The following XKR4 variants were observed in gnomAD, a reference collection of about 807,000 sequenced individuals.
The protein encoded by XKR4 is XK-related protein 4.
A neutral mutation model predicts 53.9 loss-of-function variants in XKR4; 12 were observed. That is an observed-to-expected ratio of 0.22 (90% CI 0.14 to 0.36). The LOEUF (loss-of-function observed/expected upper bound fraction) is 0.36, where lower values mean the gene tolerates loss of function less well. Ranked by LOEUF, XKR4 falls within the 10% of genes least tolerant of loss-of-function variation. XKR4 has a pLI of 1.00. For missense variants in XKR4, 799 were observed against 859.5 expected, an observed-to-expected ratio of 0.93 and a Z score of 0.88; for synonymous variants, 354 against 362.4, an observed-to-expected ratio of 0.98 and a Z score of 0.26.
At chr8:55,266,560 G>GT (rs971918898) in intron 1 of XKR4, among the ~76,000 whole-genome samples, 24 of 152,204 alleles carry the variant, frequency 1.6e-4, no homozygotes, top group African/African-American at 5.3e-4. Flanking sequence ...TCGTGGAAAA[G>GT]TTGAAGACTA....
intron 1 of XKR4, among the ~76,000 whole-genome samples, chr8:55,349,566 G>A (rs1176214295): frequency 2.6e-5 from 4 of 152,182 alleles, no homozygotes; most frequent in South Asian, 2.1e-4. Context: ...ACCACGGTCC[G>A]TGTTAAATAA....
chr8:55,129,914 G>A (rs996309118), intron 1 of XKR4, among the ~76,000 whole-genome samples: 1 of 152,154 alleles, frequency 6.6e-6, no homozygotes, highest in Non-Finnish European at 1.5e-5. Flanking sequence ...GTTGGGTGGA[G>A]AAAGGAGGAG....
chr8:55,441,931 G>A (rs573951965), intron 2 of XKR4, among the ~76,000 whole-genome samples: 2 of 151,982 alleles, frequency 1.3e-5, no homozygotes, highest in East Asian at 3.9e-4. Flanking sequence ...AGTGAGTTTG[G>A]TATCAAATTA....
At position 55,355,305 on chromosome 8, in the gene XKR4, C is replaced by T. The variant is rs200151122; in HGVS notation, c.807-2373C>T. Among the ~76,000 whole-genome samples, 14 of 151,076 alleles carry T rather than the reference C, an allele frequency of 9.3e-5. No homozygotes were observed. In the East Asian group the frequency reaches 2.1e-3, roughly 23 times the overall value. On this transcript the variant is annotated intron_variant, in intron 1 of 2. Transcript: ENST00000327381. ...CCACAGTGAGAAGATGAATAGAAGACGGAGAGGAGGAAAAATCAAGAAGAA... is the reference window on the plus strand; with the variant it reads ...CCACAGTGAGAAGATGAATAGAAGATGGAGAGGAGGAAAAATCAAGAAGAA...
At chr8:55,143,794 C>T (rs993307050) in intron 1 of XKR4, among the ~76,000 whole-genome samples, 1 of 152,190 alleles carries the variant, frequency 6.6e-6, no homozygotes, top group Middle Eastern at 3.2e-3. Flanking sequence ...GTGGGTTCTT[C>T]TGCGGGCATG....
chr8:55,476,316 C>T (rs1805982992), intron 2 of XKR4, among the ~76,000 whole-genome samples: 1 of 152,026 alleles, frequency 6.6e-6, no homozygotes, highest in African/African-American at 2.4e-5. Flanking sequence ...GAAGCAGTAC[C>T]TGGGAAGGGA....
At chr8:55,173,463 G>A (rs761294122) in intron 1 of XKR4, among the ~76,000 whole-genome samples, 1 of 152,056 alleles carries the variant, frequency 6.6e-6, no homozygotes, top group African/African-American at 2.4e-5. Flanking sequence ...CTGAAAGAAC[G>A]TATAGCTTTA....
At chr8:55,454,683 A>C in intron 2 of XKR4, 1 of 910,450 alleles carries the variant, frequency 1.1e-6, no homozygotes, top group South Asian at 1.4e-5. Context: ...CTGGGAACAC[A>C]TTCAGGCCCT....
intron 1 of XKR4, among the ~76,000 whole-genome samples, chr8:55,166,211 A>T (rs935952746): frequency 6.6e-6 from 1 of 152,200 alleles, no homozygotes; most frequent in African/African-American, 2.4e-5. Context: ...TGTATCTATT[A>T]TATTTGGTTA....
At chr8:55,178,809 A>T (rs1309513955) in intron 1 of XKR4, among the ~76,000 whole-genome samples, 1 of 152,208 alleles carries the variant, frequency 6.6e-6, no homozygotes, top group Non-Finnish European at 1.5e-5. Flanking sequence ...ATAGACAAAA[A>T]TGGCCCCGCT....
intron 2 of XKR4, among the ~76,000 whole-genome samples, chr8:55,367,161 CAT>C (rs898969435): frequency 3.3e-5 from 5 of 152,168 alleles, no homozygotes; most frequent in African/African-American, 1.2e-4. Context: ...CACCGTTCTA[CAT>C]GTGATCACTA....
chr8:55,398,101 C>A (rs1804548486), intron 2 of XKR4, among the ~76,000 whole-genome samples: 1 of 152,152 alleles, frequency 6.6e-6, no homozygotes. Flanking sequence ...ACCCTGATAT[C>A]CCCACCAGGG....
intron 1 of XKR4, among the ~76,000 whole-genome samples, chr8:55,136,940 TAGAG>T (rs1816639013): frequency 6.6e-6 from 1 of 152,172 alleles, no homozygotes; most frequent in Non-Finnish European, 1.5e-5. Context: ...CTTTGAGGCA[TAGAG>T]AGAGAGCTAA....
intron 2 of XKR4, among the ~76,000 whole-genome samples, chr8:55,410,293 C>T (rs888257168): frequency 2.6e-5 from 4 of 152,150 alleles, no homozygotes; most frequent in African/African-American, 9.7e-5. Context: ...CCGGGTCCAT[C>T]CACTGGCTGT....
intron 2 of XKR4, among the ~76,000 whole-genome samples, chr8:55,406,204 A>G (rs1804679702): frequency 6.6e-6 from 1 of 152,208 alleles, no homozygotes; most frequent in Non-Finnish European, 1.5e-5. Flanking sequence ...TTAATGGGAA[A>G]GTTTAACTTT....
intron 2 of XKR4, among the ~76,000 whole-genome samples, chr8:55,363,936 C>A (rs1020936267): frequency 3.3e-5 from 5 of 152,164 alleles, no homozygotes; most frequent in Non-Finnish European, 7.4e-5. Context: ...TCACTTTTTA[C>A]TAAAAGTTTA....
At chr8:55,399,917 G>A (rs571862796) in intron 2 of XKR4, among the ~76,000 whole-genome samples, 2 of 152,306 alleles carry the variant, frequency 1.3e-5, no homozygotes, top group South Asian at 4.1e-4. Flanking sequence ...CTCACACCTT[G>A]GAAGGGAGAA....
intron 2 of XKR4, among the ~76,000 whole-genome samples, chr8:55,519,182 GGTCTTATCACC>G (rs1322684770): frequency 2.6e-5 from 4 of 152,226 alleles, no homozygotes; most frequent in African/African-American, 7.2e-5. Context: ...TAAGCTCTAA[GGTCTTATCACC>G]TATTTTCACA....
chr8:55,280,542 T>G (rs1367170719), intron 1 of XKR4, among the ~76,000 whole-genome samples: 1 of 152,232 alleles, frequency 6.6e-6, no homozygotes, highest in Non-Finnish European at 1.5e-5. Flanking sequence ...TGAGACCATA[T>G]AAATAAGAAG....
Sources: gnomAD v4.1 joint callset for allele counts (sites outside exome capture counted in the v4.1 genomes callset) on GRCh38, gnomAD v4.1.1 for gene constraint, MANE v1.5 for transcripts, NCBI Gene and HGNC (gene_info 2026-07-23, HGNC 2026-07-21) for gene names.